Variants in ADAMTS18 observed in about 807,000 individuals in gnomAD.
ADAMTS18 encodes ADAM metallopeptidase with thrombospondin type 1 motif 18.
Under a neutral mutation model 165.9 loss-of-function variants are expected in ADAMTS18, and 157 were observed. The observed-to-expected ratio is 0.95, with a 90% CI of 0.83 to 1.08. The LOEUF is 1.08. Among genes scored for constraint, ADAMTS18 ranks in the 50% least tolerant of loss-of-function variants. The pLI is 0.00. For missense variants in ADAMTS18, 2,040 were observed against 1,534.0 expected (o/e 1.33, Z -5.51); for synonymous variants, 782 against 578.2 (o/e 1.35, Z -5.06).
intron 17 of ADAMTS18, chr16:77,300,019 T>A (rs143874097): frequency 1.9e-5 from 8 of 417,320 alleles, no homozygotes; most frequent in Middle Eastern, 7.0e-4. Context: ...GTTTTTCCCA[T>A]AAGTTTTAGA....
intron 10 of ADAMTS18, among the ~76,000 whole-genome samples, chr16:77,344,382 C>T (rs894476163): frequency 6.6e-6 from 1 of 151,948 alleles, no homozygotes; most frequent in African/African-American, 2.4e-5. Context: ...TAGCAGAAAG[C>T]ATGAGGCAGC....
chr16:77,328,257 G>C (rs909687786), intron 12 of ADAMTS18, among the ~76,000 whole-genome samples: 4 of 152,112 alleles, frequency 2.6e-5, no homozygotes, highest in Non-Finnish European at 5.9e-5. Context: ...CGTGCACAAA[G>C]ATGTGGCTTC....
At chr16:77,407,168 T>C (rs984970028) in intron 3 of ADAMTS18, among the ~76,000 whole-genome samples, 1 of 152,094 alleles carries the variant, frequency 6.6e-6, no homozygotes, top group Non-Finnish European at 1.5e-5. Context: ...TAAGAGTCTA[T>C]ATACAAAAAT....
At chr16:77,403,075 G>C (rs1327470685) in intron 3 of ADAMTS18, among the ~76,000 whole-genome samples, 1 of 152,202 alleles carries the variant, frequency 6.6e-6, no homozygotes, top group Non-Finnish European at 1.5e-5. Context: ...ATTTGTACTT[G>C]TGTTAATGCA....
intron 3 of ADAMTS18, among the ~76,000 whole-genome samples, chr16:77,388,679 T>A (rs936512238): frequency 1.3e-5 from 2 of 152,184 alleles, no homozygotes; most frequent in Admixed American, 6.5e-5. Flanking sequence ...AGTGAGTGAC[T>A]AGTGGGCCCA....
chr16:77,287,252 C>G (rs1348638724), intron 22 of ADAMTS18, among the ~76,000 whole-genome samples: 1 of 152,136 alleles, frequency 6.6e-6, no homozygotes, highest in Non-Finnish European at 1.5e-5. Context: ...CATGCGCCTC[C>G]TTACTGCTCA....
chr16:77,404,019 C>T lies in ADAMTS18; in HGVS notation c.495+27276G>A, dbSNP rs1327693017. ...ACCCTTCCTCCCTCCCTCCCTCCCTCCCTCCCTACCGTCCTCCCTTCCTCC... is the reference window on the plus strand; with the variant it reads ...ACCCTTCCTCCCTCCCTCCCTCCCTTCCTCCCTACCGTCCTCCCTTCCTCC... On this transcript the variant is annotated intron_variant, in intron 3 of 22. Transcript: ENST00000282849. 2.1e-5 allele frequency among the ~76,000 whole-genome samples: 3 copies of T among 144,660 alleles called. 1 individual carries two copies. Among genetic ancestry groups the T allele is most frequent in the African/African-American group, 7.5e-5 (3 of 40,146 alleles). The allele number at this position is 144,660 out of a possible 152,430, so 94.9% of individuals were successfully genotyped here.
chr16:77,338,526 C>G (rs2056347402), intron 11 of ADAMTS18, among the ~76,000 whole-genome samples: 1 of 152,000 alleles, frequency 6.6e-6, no homozygotes, highest in Non-Finnish European at 1.5e-5. Context: ...CATGAGCCAC[C>G]ACGTCCAGGC....
At position 77,367,575 on chromosome 16, in the gene ADAMTS18, C is replaced by T. The variant is rs772735876; in HGVS notation, c.644G>A (p.Arg215His). ...ATTCCGGCCAGAGCCGGGGTAGCCACGGTACCGCTGGATCTTCTCCTCTGC... is the reference window on the plus strand; with the variant it reads ...ATTCCGGCCAGAGCCGGGGTAGCCATGGTACCGCTGGATCTTCTCCTCTGC... Reference protein sequence around the residue: ...RTAEEKIQRYRGYPGSGRNYP... With the variant: ...RTAEEKIQRYHGYPGSGRNYP... The change falls in exon 4 of 23, where the codon CGT (arginine) becomes CAT (histidine). Residue 215 changes from arginine to histidine, a missense_variant. Arg to His is a conservative substitution (Grantham distance 29). Transcript: ENST00000282849. The T allele has an allele frequency of 2.1e-5, 34 of 1,614,092 alleles. No individual in the cohort carries two copies. The highest frequency in any genetic ancestry group is 2.5e-5 in the Non-Finnish European group (30 of 1,180,042).
chr16:77,412,734 A>G (rs1254843522), intron 3 of ADAMTS18, among the ~76,000 whole-genome samples: 2 of 152,192 alleles, frequency 1.3e-5, no homozygotes, highest in Non-Finnish European at 2.9e-5. Flanking sequence ...ATCAGATCAC[A>G]TGAGACTTAT....
intron 3 of ADAMTS18, among the ~76,000 whole-genome samples, chr16:77,414,063 A>T (rs1054938985): frequency 1.3e-5 from 2 of 152,238 alleles, no homozygotes; most frequent in Non-Finnish European, 2.9e-5. Flanking sequence ...TAATGGGTGC[A>T]TATTAGCCAG....
At chr16:77,293,657 G>C (rs926400586) in intron 19 of ADAMTS18, among the ~76,000 whole-genome samples, 1 of 151,320 alleles carries the variant, frequency 6.6e-6, no homozygotes, top group Non-Finnish European at 1.5e-5. Context: ...ACCAGGGTCG[G>C]CTTTTGCAGA....
intron 4 of ADAMTS18, 37 bp from the exon 5 acceptor site, chr16:77,364,418 G>C (rs1480034529): frequency 1.3e-6 from 2 of 1,596,074 alleles, no homozygotes; most frequent in Non-Finnish European, 8.6e-7. Flanking sequence ...AGGGATATTA[G>C]AGAATATCTG....
chr16:77,350,924 G>C (rs913382316), intron 10 of ADAMTS18, among the ~76,000 whole-genome samples: 1 of 151,886 alleles, frequency 6.6e-6, no homozygotes, highest in African/African-American at 2.4e-5. Flanking sequence ...CTTTCTAGGA[G>C]GCATGGAGGA....
chr16:77,325,725 G>T, intron 13 of ADAMTS18, 141 bp downstream of exon 13: 3 of 803,796 alleles, frequency 3.7e-6, no homozygotes, highest in East Asian at 2.8e-5. Context: ...CCCATGGAAT[G>T]AAACACTGAG....
At chr16:77,370,001 CA>C (rs1186699789) in intron 3 of ADAMTS18, among the ~76,000 whole-genome samples, 1 of 151,854 alleles carries the variant, frequency 6.6e-6, no homozygotes, top group Non-Finnish European at 1.5e-5. Flanking sequence ...TTAATAGATG[CA>C]AAAAAATGCA....
chr16:77,375,245 C>A (rs2056932258), intron 3 of ADAMTS18, among the ~76,000 whole-genome samples: 1 of 152,132 alleles, frequency 6.6e-6, no homozygotes, highest in Non-Finnish European at 1.5e-5. Flanking sequence ...TGATCCCGAA[C>A]TCCTGACCTC....
intron 3 of ADAMTS18, among the ~76,000 whole-genome samples, chr16:77,424,443 G>A (rs1208666538): frequency 6.6e-6 from 1 of 151,532 alleles, no homozygotes; most frequent in African/African-American, 2.4e-5. Context: ...ACTCCAGCCT[G>A]GGCAACAAGA....
Position 77,366,686 on chromosome 16 carries a change from T to C in ADAMTS18, c.778+755A>G, listed in dbSNP as rs74501173. ...TGACCTTAATTTTATACAAGTTAAA[T>C]GCAGATTAAGTATTTCCAATAAAAA... On this transcript the variant is annotated intron_variant, in intron 4 of 22. Transcript: ENST00000282849. Among the ~76,000 whole-genome samples the C allele has an allele frequency of 6.3e-3, 959 of 152,352 alleles. 5 individuals are homozygous for C. The highest frequency in any genetic ancestry group is 0.01 in the Non-Finnish European group (684 of 68,032).
Sources: gnomAD v4.1 joint callset for allele counts (sites outside exome capture counted in the v4.1 genomes callset) on GRCh38, gnomAD v4.1.1 for gene constraint, MANE v1.5 for transcripts, NCBI Gene and HGNC (gene_info 2026-07-23, HGNC 2026-07-21) for gene names.